The following PCDHGA6 variants were observed in gnomAD, a reference collection of about 807,000 sequenced individuals.
PCDHGA6 encodes the protein protocadherin gamma subfamily A, 6, also known as protocadherin gamma-A6.
Under a neutral mutation model 60.6 loss-of-function variants are expected in PCDHGA6, and 41 were observed. The ratio of observed to expected loss-of-function variants is 0.68; its 90% CI spans 0.53 to 0.88. The LOEUF is 0.88. Among genes scored for constraint, PCDHGA6 ranks in the 40% least tolerant of loss-of-function variants. The pLI is 0.00. For synonymous variants in PCDHGA6, 594 were observed against 524.4 expected, an observed-to-expected ratio of 1.13 and a Z score of -1.81; for missense variants, 1,312 against 1,203.0, an observed-to-expected ratio of 1.09 and a Z score of -1.34.
chr5:141,450,831 T>TATTA (rs761717068), intron 1 of PCDHGA6, among the ~76,000 whole-genome samples: 2 of 144,580 alleles, frequency 1.4e-5, no homozygotes, highest in South Asian at 2.2e-4. Flanking sequence ...TTATTATTAT[T>TATTA]TTTTTTTTTT....
intron 1 of PCDHGA6, chr5:141,409,877 G>A: frequency 6.2e-7 from 1 of 1,612,860 alleles, no homozygotes; most frequent in Non-Finnish European, 8.5e-7. Context: ...CAATGACAAC[G>A]CACCGCGGGT....
intron 1 of PCDHGA6, chr5:141,394,449 A>T: frequency 6.2e-7 from 1 of 1,614,230 alleles, no homozygotes; most frequent in Non-Finnish European, 8.5e-7. Context: ...CAGCAGCAAC[A>T]TGTCACTGAG....
intron 1 of PCDHGA6, chr5:141,384,303 G>C: frequency 6.2e-7 from 1 of 1,613,716 alleles, no homozygotes; most frequent in Non-Finnish European, 8.5e-7. Flanking sequence ...ACCCCAGAGG[G>C]GCCTCCATTT....
chr5:141,465,430 C>T (rs1212434943), intron 1 of PCDHGA6, among the ~76,000 whole-genome samples: 2 of 152,150 alleles, frequency 1.3e-5, no homozygotes, highest in Non-Finnish European at 2.9e-5. Context: ...AAGGTGGGCA[C>T]TTAATGATTA....
At chr5:141,426,963 C>G (rs1008659501) in intron 1 of PCDHGA6, 1 of 456,646 alleles carries the variant, frequency 2.2e-6, no homozygotes, top group African/African-American at 2.0e-5. Flanking sequence ...TGCTGCAATT[C>G]AAATTGAGGT....
intron 1 of PCDHGA6, chr5:141,385,051 C>T (rs1222079447): frequency 2.5e-6 from 4 of 1,614,036 alleles, no homozygotes; most frequent in Admixed American, 1.7e-5. Flanking sequence ...CAGGCTGCGG[C>T]GCTGGCACAA....
Position 141,491,420 on chromosome 5 carries a change from G to A in PCDHGA6, c.2425-3387G>A, listed in dbSNP as rs2099713954. 1.2e-6 allele frequency: 2 copies of A among 1,614,004 alleles called. No homozygotes were observed. The highest frequency in any genetic ancestry group is 2.2e-5 in the South Asian group (2 of 91,090). On this transcript the variant is annotated intron_variant, in intron 1 of 3. Transcript: ENST00000517434. This position sits in a 1 kb window ranked among gnomAD's most constrained non-coding sequence, Gnocchi z 6.9. ...GGAAACGCAGACGGGGACGGGGGTG[G>A]AGGGCAGTGCTGCAGGCGCCAGGAC...
At chr5:141,472,058 C>T (rs149583469) in intron 1 of PCDHGA6, among the ~76,000 whole-genome samples, 114 of 152,176 alleles carry the variant, frequency 7.5e-4, no homozygotes, top group African/African-American at 2.6e-3. Context: ...AAATGATTGA[C>T]ATGTCTGTGG....
chr5:141,378,320 CGA>C (rs1285013125), intron 1 of PCDHGA6: 1 of 152,164 alleles, frequency 6.6e-6, no homozygotes, highest in Admixed American at 6.5e-5. Flanking sequence ...GTCAGGAGTT[CGA>C]GACCAGCCTG....
At chr5:141,461,979 A>C (rs1420971777) in intron 1 of PCDHGA6, among the ~76,000 whole-genome samples, 1 of 152,144 alleles carries the variant, frequency 6.6e-6, no homozygotes, top group Non-Finnish European at 1.5e-5. Context: ...ATATGCCACC[A>C]CGCCAGGCTA....
Position 141,476,646 on chromosome 5 carries a change from A to G in PCDHGA6, c.2425-18161A>G, listed in dbSNP as rs771366262. 1.9e-6 allele frequency: 3 copies of G among 1,614,132 alleles called. No homozygotes were observed. The highest frequency in any genetic ancestry group is 1.7e-5 in the Admixed American group (1 of 60,010). ...TTACAAACCTATGAGCTGAGCCGAA[A>G]TGAATACTTTGCGCTTCGCGTGCAG... On this transcript the variant is annotated intron_variant, in intron 1 of 3. Transcript: ENST00000517434. This position sits in a 1 kb window ranked among gnomAD's most constrained non-coding sequence, Gnocchi z 7.6.
Position 141,486,277 on chromosome 5 carries a change from G to A in PCDHGA6, c.2425-8530G>A, listed in dbSNP as rs1156704202. 6.2e-7 allele frequency: 1 copy of A among 1,614,020 alleles called. No individual in the cohort carries two copies. The highest frequency in any genetic ancestry group is 1.1e-5 in the South Asian group (1 of 91,056). ...CCGAGAGTGCAGAACCTGGCACTGT[G>A]GTGGCACTTATCAGTGTGCAGGATC... On this transcript the variant is annotated intron_variant, in intron 1 of 3. Transcript: ENST00000517434. The surrounding 1 kb of genome is among the most constrained non-coding windows in gnomAD (Gnocchi z 5.0).
chr5:141,411,785 G>A (rs2095515346), intron 1 of PCDHGA6: 1 of 152,310 alleles, frequency 6.6e-6, no homozygotes, highest in South Asian at 2.1e-4. Context: ...TGGTGGCTGT[G>A]GTGGGAGAAT....
chr5:141,392,783 G>T, intron 1 of PCDHGA6: 1 of 1,542,922 alleles, frequency 6.5e-7, no homozygotes, highest in Admixed American at 2.1e-5. Flanking sequence ...GCACAGTGAA[G>T]ATTCTGAGAG....
At chr5:141,410,697 T>G in intron 1 of PCDHGA6, 1 of 1,489,152 alleles carries the variant, frequency 6.7e-7, no homozygotes, top group Non-Finnish European at 9.0e-7. Context: ...TACTTTATTT[T>G]CATATCTAGA....
intron 1 of PCDHGA6, chr5:141,400,524 GGTGA>G (rs1307110266): frequency 1.2e-6 from 2 of 1,613,920 alleles, no homozygotes; most frequent in Admixed American, 3.3e-5. Context: ...ATCCTGAGTT[GGTGA>G]GTTTCATTTA....
At chr5:141,444,434 G>A (rs761353277) in intron 1 of PCDHGA6, among the ~76,000 whole-genome samples, 16 of 152,196 alleles carry the variant, frequency 1.1e-4, no homozygotes, top group Admixed American at 7.2e-4. Flanking sequence ...GCCTCCCAAA[G>A]TGCTGGGATT....
intron 1 of PCDHGA6, chr5:141,377,304 A>G (rs1051630740): frequency 2.6e-5 from 4 of 152,154 alleles, no homozygotes; most frequent in African/African-American, 9.7e-5. Context: ...GGTCAGTGTT[A>G]AAGATCAAGA....
chr5:141,398,286 C>T (rs1338652897), intron 1 of PCDHGA6: 1 of 1,395,846 alleles, frequency 7.2e-7, no homozygotes, highest in South Asian at 1.3e-5. Context: ...TCGCCACGGA[C>T]CTGGGGTTCA....
Sources: gnomAD v4.1 joint callset for allele counts (sites outside exome capture counted in the v4.1 genomes callset) on GRCh38, gnomAD v4.1.1 for gene constraint, Gnocchi (gnomAD v3.1) non-coding constraint, MANE v1.5 for transcripts, NCBI Gene and HGNC (gene_info 2026-07-23, HGNC 2026-07-21) for gene names.